GALNT13: variants seen among roughly 807,000 people sequenced by gnomAD.
The protein encoded by GALNT13 is UDP-GalNAc:polypeptide N-acetylgalactosaminyltransferase 13.
A neutral mutation model predicts 64.2 loss-of-function variants in GALNT13; 28 were observed. The ratio of observed to expected loss-of-function variants is 0.44; its 90% CI spans 0.32 to 0.60. The LOEUF is 0.60. Among genes scored for constraint, GALNT13 ranks in the 20% least tolerant of loss-of-function variants. The pLI is 0.05. For synonymous variants in GALNT13, 214 were observed against 224.6 expected (o/e 0.95, Z 0.42); for missense variants, 577 against 669.8 (o/e 0.86, Z 1.53).
chr2:153,140,236 G>A, the GALNT13 span, among the ~76,000 whole-genome samples: 1 of 151,970 alleles, frequency 6.6e-6, no homozygotes, highest in East Asian at 1.9e-4. Context: ...ACTATTCCAG[G>A]TCCTTCACAA....
chr2:154,132,458 C>T (rs1014616400), intron 3 of GALNT13, among the ~76,000 whole-genome samples: 8 of 151,978 alleles, frequency 5.3e-5, no homozygotes, highest in African/African-American at 1.9e-4. Flanking sequence ...TCATTTTAAT[C>T]ACTGCATAGT....
the GALNT13 span, among the ~76,000 whole-genome samples, chr2:153,406,570 G>A: frequency 3.9e-5 from 6 of 151,932 alleles, no homozygotes; most frequent in Non-Finnish European, 8.8e-5. Context: ...AGCACATCAG[G>A]CTAATTTTTG....
chr2:153,372,007 G>A, the GALNT13 span, among the ~76,000 whole-genome samples: 1 of 152,160 alleles, frequency 6.6e-6, no homozygotes, highest in Non-Finnish European at 1.5e-5. Context: ...CTCTGGGGCT[G>A]CTTACTTTCT....
At chr2:153,086,129 C>T in the GALNT13 span, among the ~76,000 whole-genome samples, 15 of 152,190 alleles carry the variant, frequency 9.9e-5, no homozygotes, top group African/African-American at 3.1e-4. Context: ...GTGTATTTAT[C>T]CAAAGCCTGT....
At chr2:154,290,640 A>G (rs1462732728) in intron 8 of GALNT13, among the ~76,000 whole-genome samples, 1 of 152,186 alleles carries the variant, frequency 6.6e-6, no homozygotes, top group African/African-American at 2.4e-5. Context: ...GCCAATCCTC[A>G]GTGCTATAGC....
the GALNT13 span, among the ~76,000 whole-genome samples, chr2:153,436,792 A>AT: frequency 6.6e-6 from 1 of 152,048 alleles, no homozygotes. Flanking sequence ...GGATTCACTG[A>AT]TTTTTTGAAC....
chr2:153,108,912 G>A, the GALNT13 span, among the ~76,000 whole-genome samples: 7 of 152,122 alleles, frequency 4.6e-5, no homozygotes, highest in African/African-American at 7.2e-5. Context: ...TAGTATATGT[G>A]GGAGTTGCAA....
chr2:153,900,021 C>T (rs954256207), intron 1 of GALNT13, among the ~76,000 whole-genome samples: 6 of 149,420 alleles, frequency 4.0e-5, no homozygotes, highest in East Asian at 3.9e-4. Flanking sequence ...CTGCAACCTC[C>T]GCCTCCTGGG....
In GALNT13 at chr2:154,301,414, G is replaced by A; in HGVS notation, c.981G>A (p.Trp327Ter). Residue 327 changes from tryptophan (W) to a stop codon, truncating the protein, a stop_gained, in exon 9 of 13, where the codon TGG becomes TGA. Coordinates refer to ENST00000392825, the MANE Select transcript of GALNT13 (RefSeq NM_052917.4). LOFTEE classifies it high-confidence loss of function. ...GENLEMSFRI[W>*]QCGGSLEIVT... is the part of the protein sequence containing the mutation. ...ATGATTGTTCCTTTTCCCAGATTTG[G>A]CAATGTGGAGGCTCCTTGGAGATTG... 1 of 1,609,880 alleles carries A rather than the reference G, an allele frequency of 6.2e-7. No individual in the cohort carries two copies. Among genetic ancestry groups the A allele is most frequent in the Non-Finnish European group, 8.5e-7 (1 of 1,177,264 alleles).
chr2:154,020,496 T>G (rs897958215), intron 3 of GALNT13, among the ~76,000 whole-genome samples: 9 of 152,340 alleles, frequency 5.9e-5, no homozygotes, highest in African/African-American at 1.9e-4. Flanking sequence ...CATAAATGTC[T>G]TCTTTTGAGA....
the GALNT13 span, among the ~76,000 whole-genome samples, chr2:153,334,861 A>C: frequency 6.6e-6 from 1 of 152,174 alleles, no homozygotes; most frequent in Non-Finnish European, 1.5e-5. Context: ...TGCTCTGAGC[A>C]TGACAAGTGA....
the GALNT13 span, among the ~76,000 whole-genome samples, chr2:153,719,700 G>C: frequency 6.8e-4 from 104 of 152,096 alleles, no homozygotes; most frequent in African/African-American, 2.4e-3. Context: ...AAGGGGTGAC[G>C]GACGCACCTG....
At chr2:154,271,958 A>G (rs2105923854) in intron 8 of GALNT13, among the ~76,000 whole-genome samples, 1 of 152,046 alleles carries the variant, frequency 6.6e-6, no homozygotes, top group South Asian at 2.1e-4. Flanking sequence ...CTAGGATAGT[A>G]AAGGAAATTA....
At chr2:153,247,876 G>C in the GALNT13 span, among the ~76,000 whole-genome samples, 1 of 151,932 alleles carries the variant, frequency 6.6e-6, no homozygotes, top group Non-Finnish European at 1.5e-5. Context: ...ATGATAAAGG[G>C]GATATCACCA....
the GALNT13 span, among the ~76,000 whole-genome samples, chr2:153,383,942 A>G: frequency 6.6e-6 from 1 of 152,056 alleles, no homozygotes; most frequent in African/African-American, 2.4e-5. Context: ...AAAAGAGTAG[A>G]AGTGAGCTAA....
At chr2:154,192,795 T>G (rs1559016399) in intron 4 of GALNT13, among the ~76,000 whole-genome samples, 1 of 152,232 alleles carries the variant, frequency 6.6e-6, no homozygotes, top group African/African-American at 2.4e-5. Context: ...TGTTATCTTG[T>G]GATTTACTTA....
At chr2:153,797,389 G>A in the GALNT13 span, among the ~76,000 whole-genome samples, 5 of 152,290 alleles carry the variant, frequency 3.3e-5, no homozygotes, top group East Asian at 3.9e-4. Flanking sequence ...ACATTATAAT[G>A]TGAGCAAAGG....
the GALNT13 span, among the ~76,000 whole-genome samples, chr2:153,317,723 T>G: frequency 6.6e-6 from 1 of 152,198 alleles, no homozygotes; most frequent in Non-Finnish European, 1.5e-5. Context: ...ATATTTTCAA[T>G]ACAACTGAGA....
the GALNT13 span, among the ~76,000 whole-genome samples, chr2:153,747,040 C>A: frequency 6.6e-6 from 1 of 151,906 alleles, no homozygotes; most frequent in Non-Finnish European, 1.5e-5. Flanking sequence ...CTCTGGGTTG[C>A]CTTTTAATGT....
Sources: allele counts gnomAD v4.1 joint callset (sites outside exome capture counted in the v4.1 genomes callset), GRCh38; gene constraint gnomAD v4.1.1; transcripts MANE v1.5; gene names NCBI Gene and HGNC (gene_info 2026-07-23, HGNC 2026-07-21).